The following ALK variants were observed in gnomAD, a reference collection of about 807,000 sequenced individuals.
ALK encodes the protein ALK tyrosine kinase receptor.
Under a neutral mutation model 163.1 loss-of-function variants are expected in ALK, and 74 were observed. That is an observed-to-expected ratio of 0.45 (90% CI 0.38 to 0.55). The LOEUF (loss-of-function observed/expected upper bound fraction) is 0.55, where lower values mean the gene tolerates loss of function less well. ALK is among the 20% of genes least tolerant of loss of function. The probability of loss-of-function intolerance (pLI) is 0.00; values close to 1 mark genes in which losing one functional copy is unlikely to be tolerated. For synonymous variants in ALK, 960 were observed against 843.2 expected (o/e 1.14, Z -2.40); for missense variants, 2,063 against 2,105.3 (o/e 0.98, Z 0.39).
chr2:29,324,142 C>T (rs1339221983), intron 6 of ALK, among the ~76,000 whole-genome samples: 4 of 152,318 alleles, frequency 2.6e-5, no homozygotes, highest in East Asian at 1.9e-4. Context: ...ATGGCCAAAT[C>T]GCGCTGTGGG....
intron 2 of ALK, among the ~76,000 whole-genome samples, chr2:29,696,043 C>G (rs1250649713): frequency 6.6e-6 from 1 of 152,158 alleles, no homozygotes; most frequent in Admixed American, 6.5e-5. Flanking sequence ...GGTACATACC[C>G]AAAGGTTTAT....
At chr2:29,672,181 C>A (rs916809064) in intron 3 of ALK, among the ~76,000 whole-genome samples, 2 of 125,608 alleles carry the variant, frequency 1.6e-5, no homozygotes, top group African/African-American at 3.0e-5. Context: ...TTTTTTTTTT[C>A]TTTTATTATT....
chr2:29,649,973 G>T (rs1163635275), intron 3 of ALK, among the ~76,000 whole-genome samples: 3 of 152,106 alleles, frequency 2.0e-5, no homozygotes, highest in Non-Finnish European at 4.4e-5. Flanking sequence ...CTATGCAGAG[G>T]ACAGAGACCC....
At chr2:29,515,574 TA>T (rs1374487004) in intron 4 of ALK, among the ~76,000 whole-genome samples, 1 of 151,894 alleles carries the variant, frequency 6.6e-6, no homozygotes, top group Admixed American at 6.6e-5. Flanking sequence ...GGGGTGGGGA[TA>T]GGGGGAGGCA....
intron 23 of ALK, among the ~76,000 whole-genome samples, chr2:29,214,530 C>T (rs926287169): frequency 2.6e-5 from 4 of 152,156 alleles, no homozygotes; most frequent in Admixed American, 6.5e-5. Flanking sequence ...ATTTAAATGT[C>T]TTAAAATATT....
intron 26 of ALK, among the ~76,000 whole-genome samples, chr2:29,200,773 GTA>G (rs1344075579): frequency 6.8e-5 from 9 of 132,536 alleles, no homozygotes; most frequent in Middle Eastern, 3.8e-3. Flanking sequence ...ATATATATAC[GTA>G]TATATATGTA....
intron 3 of ALK, among the ~76,000 whole-genome samples, chr2:29,630,059 C>T (rs192232666): frequency 1.5e-3 from 229 of 152,250 alleles, no homozygotes; most frequent in Middle Eastern, 3.4e-3. Flanking sequence ...TGTCAGTTGC[C>T]TTTCTTCGAC....
rs752701859 is a variant in ALK, at chr2:29,193,481, C to T, written c.4606G>A (p.Glu1536Lys). 1 of 1,614,206 alleles carries T rather than the reference C, an allele frequency of 6.2e-7. No individual in the cohort carries two copies. Among genetic ancestry groups the T allele is most frequent in the Non-Finnish European group, 8.5e-7 (1 of 1,180,042 alleles). The change falls in exon 29 of 29, where the codon GAG becomes AAG. Residue 1536 changes from glutamate (E) to lysine (K), a missense_variant. This residue lies in a region of ALK where 403 missense variants were observed against 366.2 expected (regional missense o/e 1.10). Coordinates refer to ENST00000389048, the MANE Select transcript of ALK (RefSeq NM_004304.5). ...TTAGGTGGGACAGTACAGCTTCCCT[C>T]CAGCCCCAGGTTACCCCTGTCGTGT... Reference protein sequence around the residue: ...EPHDRGNLGLEGSCTVPPNVA... With the variant: ...EPHDRGNLGLKGSCTVPPNVA...
rs138340128 is a variant in ALK at position 29,640,034 on chromosome 2, G to A, written c.952+54816C>T. 3.6e-3 allele frequency among the ~76,000 whole-genome samples: 551 copies of A among 152,286 alleles called. 3 individuals carry two copies. Among genetic ancestry groups the A allele is most frequent in the African/African-American group, 0.013 (521 of 41,554 alleles). The stretch of plus-strand genomic sequence containing the variant: ...TTTTAAACATATGGTGGAGGGGTAG[G>A]GGAGATGCAACTACAGAAGAAGAAG... On this transcript the variant is annotated intron_variant, in intron 3 of 28. Transcript: ENST00000389048.
intron 4 of ALK, among the ~76,000 whole-genome samples, chr2:29,479,813 A>G (rs1671619254): frequency 6.6e-6 from 1 of 152,154 alleles, no homozygotes; most frequent in African/African-American, 2.4e-5. Context: ...CCTTGGCAAA[A>G]TTAGGAAGAT....
At chr2:29,568,752 G>A (rs1052690322) in intron 3 of ALK, among the ~76,000 whole-genome samples, 3 of 152,218 alleles carry the variant, frequency 2.0e-5, no homozygotes, top group African/African-American at 7.2e-5. Flanking sequence ...TCTGAGAGAA[G>A]CTCTTCTCCC....
At chr2:29,404,957 C>T (rs915398366) in intron 4 of ALK, among the ~76,000 whole-genome samples, 1 of 152,126 alleles carries the variant, frequency 6.6e-6, no homozygotes, top group Admixed American at 6.5e-5. Flanking sequence ...ATTCCATCAC[C>T]TGATTGCTCA....
chr2:29,701,720 C>T (rs921544151), intron 2 of ALK, among the ~76,000 whole-genome samples: 1 of 152,124 alleles, frequency 6.6e-6, no homozygotes, highest in Non-Finnish European at 1.5e-5. Flanking sequence ...GCCAAGGACT[C>T]ACTGGGGCTG....
In ALK at chr2:29,228,981, G is replaced by A. The variant is rs763576249; in HGVS notation, c.2718C>T (p.Cys906=). 6.2e-6 allele frequency: 10 copies of A among 1,611,348 alleles called. No homozygotes were observed. Among genetic ancestry groups the A allele is most frequent in the Non-Finnish European group, 4.2e-6 (5 of 1,178,548 alleles). Residue 906 remains cysteine (C), a synonymous_variant, in exon 16 of 29, where the codon TGC becomes TGT. Transcript: ENST00000389048. ...LQEGATGGHS[C]PQAMKKWGWE... ...ACCCCCACTTCTTCATGGCCTGGGGGCAGGAATGTCCTCCGGTGGCACCCT... is the reference window on the plus strand; with the variant it reads ...ACCCCCACTTCTTCATGGCCTGGGGACAGGAATGTCCTCCGGTGGCACCCT...
intron 3 of ALK, among the ~76,000 whole-genome samples, chr2:29,579,908 G>A (rs913042697): frequency 6.6e-6 from 1 of 152,110 alleles, no homozygotes. Flanking sequence ...TCACTCTGAG[G>A]CTTCAGAACA....
At chr2:29,549,156 A>G (rs1673648947) in intron 3 of ALK, among the ~76,000 whole-genome samples, 2 of 151,536 alleles carry the variant, frequency 1.3e-5, no homozygotes, top group African/African-American at 4.9e-5. Context: ...ACACACACAC[A>G]CACACGCACA....
intron 1 of ALK, among the ~76,000 whole-genome samples, chr2:29,786,095 T>A (rs1664014581): frequency 6.6e-6 from 1 of 152,206 alleles, no homozygotes; most frequent in Admixed American, 6.5e-5. Flanking sequence ...AAAACGAGAC[T>A]AAGGATGATT....
chr2:29,239,854 G>T, intron 12 of ALK, 24 bp from the exon 13 acceptor site: 8 of 1,609,942 alleles, frequency 5.0e-6, no homozygotes, highest in Non-Finnish European at 6.8e-6. Context: ...AAGAACGTTG[G>T]CTCCCGCTGT....
At chr2:29,595,068 AAATC>A (rs1675171804) in intron 3 of ALK, among the ~76,000 whole-genome samples, 1 of 152,198 alleles carries the variant, frequency 6.6e-6, no homozygotes, top group Non-Finnish European at 1.5e-5. Flanking sequence ...TGAAAAGTGA[AAATC>A]AATCCTCCTC....
Sources: allele counts gnomAD v4.1 joint callset (sites outside exome capture counted in the v4.1 genomes callset), GRCh38; gene constraint gnomAD v4.1.1; regional missense constraint gnomAD v4.1.1; transcripts MANE v1.5; gene names NCBI Gene and HGNC (gene_info 2026-07-23, HGNC 2026-07-21).